Variants in UTRN observed in about 807,000 individuals in gnomAD.
The protein encoded by UTRN is utrophin.
A neutral mutation model predicts 463.9 loss-of-function variants in UTRN; 283 were observed. The ratio of observed to expected loss-of-function variants is 0.61; its 90% confidence interval spans 0.55 to 0.67. UTRN has a LOEUF of 0.67. Ranked by LOEUF, UTRN falls within the 30% of genes least tolerant of loss-of-function variation. The probability of loss-of-function intolerance (pLI) is 0.00; values close to 1 mark genes in which losing one functional copy is unlikely to be tolerated. For synonymous variants in UTRN, 1,442 were observed against 1,431.5 expected, an observed-to-expected ratio of 1.01 and a Z score of -0.17; for missense variants, 3,922 against 4,084.3, an observed-to-expected ratio of 0.96 and a Z score of 1.08.
At chr6:144,595,881 T>G (rs1036170725) in intron 51 of UTRN, among the ~76,000 whole-genome samples, 6 of 152,172 alleles carry the variant, frequency 3.9e-5, no homozygotes, top group Non-Finnish European at 8.8e-5. Context: ...CCATAATGAC[T>G]GAGTGCTGTT....
At chr6:144,653,927 A>C (rs1454889495) in intron 51 of UTRN, among the ~76,000 whole-genome samples, 4 of 152,224 alleles carry the variant, frequency 2.6e-5, no homozygotes, top group African/African-American at 9.6e-5. Flanking sequence ...TAATCAGCCT[A>C]CTGATTTCCA....
chr6:144,657,702 G>A (rs768730020), intron 51 of UTRN, among the ~76,000 whole-genome samples: 2 of 152,116 alleles, frequency 1.3e-5, no homozygotes, highest in African/African-American at 2.4e-5. Flanking sequence ...GAAAGACTAT[G>A]GTATTCCCTG....
rs571377164 is a variant in UTRN at position 144,441,704 on chromosome 6, C to T, written c.1512+1233C>T. ...AGGGACTCTGTTTGGGCCACATTTC[C>T]CTTCTGCACTGCCCTAGCAGAGGTT... is the stretch of plus-strand genomic sequence containing the variant. On this transcript the variant is annotated intron_variant, in intron 13 of 74. Transcript: ENST00000367545. 3.3e-5 allele frequency among the ~76,000 whole-genome samples: 5 copies of T among 152,340 alleles called. No homozygotes were observed. The East Asian group carries it at 9.6e-4, about 29-fold the overall frequency.
At chr6:144,823,584 G>A (rs1779778306) in intron 66 of UTRN, among the ~76,000 whole-genome samples, 1 of 152,146 alleles carries the variant, frequency 6.6e-6, no homozygotes, top group African/African-American at 2.4e-5. Flanking sequence ...TGCATGCATG[G>A]AGGAGGGGAT....
chr6:144,830,644 T>A (rs941949527), intron 69 of UTRN, among the ~76,000 whole-genome samples: 3 of 152,228 alleles, frequency 2.0e-5, no homozygotes, highest in Non-Finnish European at 2.9e-5. Context: ...CAGGACAGCT[T>A]TGAATGCAGC....
In UTRN at chr6:144,495,503, C is replaced by T. The variant is rs139527758; in HGVS notation, c.4593+2047C>T. On this transcript the variant is annotated intron_variant, in intron 33 of 74. Transcript: ENST00000367545. ...GGCCCACAAGCGTGGCGCGCAGCCC[C>T]GGTTCCCGCTCGCGCCTCTCCCTCC... Among the ~76,000 whole-genome samples the T allele has an allele frequency of 6.9e-3, 1,046 of 152,288 alleles. 6 individuals are homozygous for T. The highest frequency in any genetic ancestry group is 0.01 in the Middle Eastern group (3 of 294).
At chr6:144,356,385 T>A (rs1343930974) in intron 2 of UTRN, among the ~76,000 whole-genome samples, 1 of 152,192 alleles carries the variant, frequency 6.6e-6, no homozygotes, top group Non-Finnish European at 1.5e-5. Flanking sequence ...TCTCCAGATA[T>A]TGCCAGATGT....
intron 2 of UTRN, among the ~76,000 whole-genome samples, chr6:144,302,314 C>T (rs1328864233): frequency 1.3e-5 from 2 of 152,028 alleles, no homozygotes; most frequent in Non-Finnish European, 2.9e-5. Flanking sequence ...AGTTCGAGAC[C>T]AGCCTGGCCA....
chr6:144,376,449 G>A (rs1295021237), intron 2 of UTRN, among the ~76,000 whole-genome samples: 1 of 147,274 alleles, frequency 6.8e-6, no homozygotes, highest in Non-Finnish European at 1.5e-5. Flanking sequence ...GCGACACTCT[G>A]TCTCAAAAAA....
intron 17 of UTRN, among the ~76,000 whole-genome samples, chr6:144,449,063 A>G (rs767158026): frequency 1.3e-5 from 2 of 152,112 alleles, no homozygotes; most frequent in Admixed American, 6.5e-5. Context: ...TTGGAAGGAT[A>G]TGATTGTCCA....
intron 65 of UTRN, among the ~76,000 whole-genome samples, chr6:144,807,173 C>G (rs1778224440): frequency 6.6e-6 from 1 of 152,070 alleles, no homozygotes; most frequent in African/African-American, 2.4e-5. Flanking sequence ...GACTTCATCT[C>G]TTTCCTTTTC....
intron 2 of UTRN, among the ~76,000 whole-genome samples, chr6:144,357,357 G>A (rs1778657052): frequency 6.6e-6 from 1 of 152,194 alleles, no homozygotes; most frequent in African/African-American, 2.4e-5. Flanking sequence ...GAAGATCACA[G>A]CATTTTGTTT....
chr6:144,663,026 A>G (rs1037223177), intron 51 of UTRN, among the ~76,000 whole-genome samples: 4 of 152,086 alleles, frequency 2.6e-5, no homozygotes, highest in Admixed American at 2.6e-4. Flanking sequence ...AGGATGGGCA[A>G]TTTCTTACAT....
chr6:144,480,560 C>T (rs6914519), intron 26 of UTRN, among the ~76,000 whole-genome samples: 6,214 of 152,158 alleles, frequency 0.041, 438 homozygotes, highest in African/African-American at 0.14. Context: ...AGGAATGCAT[C>T]GGGGAGTTCA....
chr6:144,827,728 T>G (rs764007820), intron 68 of UTRN, 52 bp downstream of exon 68: 1 of 1,557,758 alleles, frequency 6.4e-7, no homozygotes, highest in Non-Finnish European at 8.8e-7. Context: ...AGAATGTATC[T>G]ATGTCTAATT....
intron 58 of UTRN, among the ~76,000 whole-genome samples, chr6:144,764,732 C>G (rs1008315392): frequency 4.0e-5 from 6 of 151,606 alleles, no homozygotes; most frequent in Admixed American, 1.3e-4. Context: ...TAAAATAATA[C>G]AGTAAAAGAT....
At chr6:144,648,094 A>G (rs1284194829) in intron 51 of UTRN, among the ~76,000 whole-genome samples, 1 of 152,220 alleles carries the variant, frequency 6.6e-6, no homozygotes, top group Non-Finnish European at 1.5e-5. Context: ...TAGAGCATGT[A>G]TGGGTTAAAC....
rs1785529267 is a variant in UTRN at position 144,428,783 on chromosome 6, A to C, written c.584A>C (p.Asp195Ala). ...TTTATTTGCATGGTTTTCAGACCTG[A>C]TCTCTTCAGCTGGGATAAAGTTGTC... ...FNAVLHRHKP[D>A]LFSWDKVVKM... The change falls in exon 8 of 75, where the codon GAT (aspartate) becomes GCT (alanine). Residue 195 changes from aspartate (D) to alanine (A), a missense_variant. Physicochemically the swap from Asp to Ala is moderately radical, Grantham distance 126. Transcript: ENST00000367545. 6.3e-7 allele frequency: 1 copy of C among 1,594,448 alleles called. No individual in the cohort carries two copies. The highest frequency in any genetic ancestry group is 1.3e-5 in the African/African-American group (1 of 74,234).
At position 144,646,985 on chromosome 6, in the gene UTRN, T is replaced by C. The variant is rs534755237; in HGVS notation, c.7480-31421T>C. 2.6e-5 allele frequency among the ~76,000 whole-genome samples: 4 copies of C among 152,308 alleles called. No individual in the cohort carries two copies. In the South Asian group the frequency reaches 8.3e-4, roughly 32 times the overall value. On this transcript the variant is annotated intron_variant, in intron 51 of 74. Coordinates refer to ENST00000367545, the MANE Select transcript of UTRN (RefSeq NM_007124.3). ...TAGTCAAAATAGCTCAGTCTGCTCT[T>C]GCTATGCTATTTTGTCCAGCCAATC...
Sources: gnomAD v4.1 joint callset for allele counts (sites outside exome capture counted in the v4.1 genomes callset) on GRCh38, gnomAD v4.1.1 for gene constraint, MANE v1.5 for transcripts, NCBI Gene and HGNC (gene_info 2026-07-23, HGNC 2026-07-21) for gene names.